FAM107B: variants seen among roughly 807,000 people sequenced by gnomAD.
FAM107B encodes the protein family with sequence similarity 107 member B, also known as protein FAM107B.
In FAM107B, 21 loss-of-function variants were observed where a neutral mutation model predicts 31.5. The observed-to-expected ratio is 0.67, with a 90% CI of 0.47 to 0.96. FAM107B has a LOEUF of 0.96. Among genes scored for constraint, FAM107B ranks in the 40% least tolerant of loss-of-function variants. The probability of loss-of-function intolerance (pLI) is 0.00; values close to 1 mark genes in which losing one functional copy is unlikely to be tolerated. For synonymous variants in FAM107B, 157 were observed against 141.5 expected, an observed-to-expected ratio of 1.11 and a Z score of -0.78; for missense variants, 452 against 377.1, an observed-to-expected ratio of 1.20 and a Z score of -1.64.
At chr10:14,763,198 G>T (rs916958344) in intron 1 of FAM107B, among the ~76,000 whole-genome samples, 4 of 152,158 alleles carry the variant, frequency 2.6e-5, no homozygotes, top group Admixed American at 6.5e-5. Context: ...GGAGGCAGAG[G>T]TTGCAGTGAG....
chr10:14,596,667 G>C lies in FAM107B; in HGVS notation c.470-66152C>G, dbSNP rs1043660968. Among the ~76,000 whole-genome samples, 14 of 152,240 alleles carry C rather than the reference G, an allele frequency of 9.2e-5. No homozygotes were observed. The South Asian group carries it at 1.0e-3, about 11-fold the overall frequency. ...TACGTCTGATGTCTATGACTTCTAT[G>C]ACACCTCCCATTCCATGGGCACAGA... On this transcript the variant is annotated intron_variant, in intron 2 of 4. Coordinates refer to ENST00000181796, the MANE Select transcript of FAM107B (RefSeq NM_031453.4).
intron 2 of FAM107B, among the ~76,000 whole-genome samples, chr10:14,629,068 G>A (rs1430645996): frequency 6.7e-6 from 1 of 149,652 alleles, no homozygotes; most frequent in Non-Finnish European, 1.5e-5. Context: ...TTAAAAACTT[G>A]AAGGATTTAG....
intron 2 of FAM107B, among the ~76,000 whole-genome samples, chr10:14,635,135 A>AAGGGAGGG (rs369224420): frequency 7.3e-6 from 1 of 137,444 alleles, no homozygotes; most frequent in African/African-American, 2.7e-5. Context: ...GAAAGGAAGG[A>AAGGGAGGG]AGGGAGGGAG....
chr10:14,663,394 T>G (rs904868806), intron 2 of FAM107B: 2 of 152,414 alleles, frequency 1.3e-5, no homozygotes, highest in East Asian at 3.9e-4. Flanking sequence ...GAAAAGAAGG[T>G]AAACTTCGTC....
chr10:14,591,090 C>T (rs1852005178), intron 2 of FAM107B, among the ~76,000 whole-genome samples: 1 of 149,576 alleles, frequency 6.7e-6, no homozygotes, highest in Non-Finnish European at 1.5e-5. Context: ...TTATCTTAAA[C>T]TCATCAATGA....
rs554350215 is a variant in FAM107B, at chr10:14,700,673, A to G, written c.412-32982T>C. ...ACTCCCTCTACATCCATTTTCTGAC[A>G]TAAACAACAATGATGCTTTTTTCCC... is the stretch of plus-strand genomic sequence containing the variant. On this transcript the variant is annotated intron_variant, in intron 1 of 4. Transcript: ENST00000181796. Among the ~76,000 whole-genome samples, 9 of 152,140 alleles carry G rather than the reference A, an allele frequency of 5.9e-5. No individual in the cohort carries two copies. In the South Asian group the frequency reaches 1.7e-3, roughly 28 times the overall value.
chr10:14,575,495 G>A (rs1296830210), intron 2 of FAM107B, among the ~76,000 whole-genome samples: 7 of 152,216 alleles, frequency 4.6e-5, no homozygotes, highest in Admixed American at 2.6e-4. Flanking sequence ...GAGACACTGC[G>A]CCCGGCCAAG....
At chr10:14,765,389 C>T (rs903903362) in intron 1 of FAM107B, among the ~76,000 whole-genome samples, 1 of 152,162 alleles carries the variant, frequency 6.6e-6, no homozygotes, top group Admixed American at 6.5e-5. Context: ...GAGAGCTATC[C>T]ATTTATTGCA....
intron 2 of FAM107B, among the ~76,000 whole-genome samples, chr10:14,653,218 T>C (rs1349650463): frequency 6.6e-6 from 1 of 152,258 alleles, no homozygotes; most frequent in African/African-American, 2.4e-5. Context: ...CCCTGACTTT[T>C]TGAGTCTTAG....
At chr10:14,679,336 G>A (rs1854770684) in intron 1 of FAM107B, among the ~76,000 whole-genome samples, 1 of 152,128 alleles carries the variant, frequency 6.6e-6, no homozygotes, top group Non-Finnish European at 1.5e-5. Flanking sequence ...TCACTATGTT[G>A]TCCAGGCTGG....
chr10:14,684,326 C>A (rs1020561702), intron 1 of FAM107B, among the ~76,000 whole-genome samples: 2 of 152,132 alleles, frequency 1.3e-5, no homozygotes, highest in African/African-American at 2.4e-5. Flanking sequence ...GTGGTGCACA[C>A]CTGTAGTCCC....
chr10:14,711,650 T>C (rs762255782), intron 1 of FAM107B, among the ~76,000 whole-genome samples: 2 of 152,108 alleles, frequency 1.3e-5, no homozygotes, highest in Admixed American at 6.6e-5. Context: ...CTTTTTTTAG[T>C]TTTTATCTTT....
chr10:14,749,535 G>C (rs11259304), intron 1 of FAM107B, among the ~76,000 whole-genome samples: 6,940 of 152,230 alleles, frequency 0.046, 452 homozygotes, highest in East Asian at 0.16. Flanking sequence ...CCTGGCCCTA[G>C]CACCCTTTCT....
intron 1 of FAM107B, among the ~76,000 whole-genome samples, chr10:14,760,944 G>A (rs974121451): frequency 1.1e-4 from 16 of 143,592 alleles, no homozygotes; most frequent in Middle Eastern, 3.9e-3. Flanking sequence ...CCCGGGAGGC[G>A]AAGGTTGCAG....
At chr10:14,603,752 C>G (rs1852482191) in intron 2 of FAM107B, among the ~76,000 whole-genome samples, 1 of 152,156 alleles carries the variant, frequency 6.6e-6, no homozygotes, top group Non-Finnish European at 1.5e-5. Context: ...GAGTCAGTGT[C>G]ACGGCCACCG....
At chr10:14,581,072 T>C (rs538743999) in intron 2 of FAM107B, among the ~76,000 whole-genome samples, 20 of 152,316 alleles carry the variant, frequency 1.3e-4, no homozygotes, top group East Asian at 1.2e-3. Flanking sequence ...CTATGAAATG[T>C]AGGTTCTAGC....
At chr10:14,548,838 A>ACACACACG (rs145756736) in intron 2 of FAM107B, among the ~76,000 whole-genome samples, 5 of 151,298 alleles carry the variant, frequency 3.3e-5, no homozygotes, top group East Asian at 1.9e-4. Flanking sequence ...ACACACACGC[A>ACACACACG]CACACACACC....
intron 1 of FAM107B, among the ~76,000 whole-genome samples, chr10:14,685,268 C>T (rs529664045): frequency 6.6e-6 from 1 of 151,990 alleles, no homozygotes; most frequent in East Asian, 1.9e-4. Flanking sequence ...CCCACCTCAG[C>T]CTCCTGAGTA....
rs1326647439 is a variant in FAM107B, at chr10:14,766,769, G to T, written c.411+7484C>A. On this transcript the variant is annotated intron_variant, in intron 1 of 4. Coordinates refer to ENST00000181796, the MANE Select transcript of FAM107B (RefSeq NM_031453.4). ...TGATTCAGGAAGATGTAGAAAATCT[G>T]AATAGACCTATAACTGGTATGGAGA... Among the ~76,000 whole-genome samples the T allele has an allele frequency of 2.0e-5, 3 of 151,260 alleles. No individual in the cohort carries two copies. In the East Asian group the frequency reaches 5.9e-4, roughly 30 times the overall value.
Sources: gnomAD v4.1 joint callset for allele counts (sites outside exome capture counted in the v4.1 genomes callset) on GRCh38, gnomAD v4.1.1 for gene constraint, MANE v1.5 for transcripts, NCBI Gene and HGNC (gene_info 2026-07-23, HGNC 2026-07-21) for gene names.